AP2A2: variants seen among roughly 807,000 people sequenced by gnomAD.
The protein encoded by AP2A2 is adaptor related protein complex 2 subunit alpha 2, also known as AP-2 complex subunit alpha-2.
AP2A2 carries 32 observed loss-of-function variants against 104.2 expected under a neutral mutation model. The ratio of observed to expected loss-of-function variants is 0.31; its 90% CI spans 0.23 to 0.41. The LOEUF (loss-of-function observed/expected upper bound fraction) is 0.41, where lower values mean the gene tolerates loss of function less well. Ranked by LOEUF, AP2A2 falls within the 10% of genes least tolerant of loss-of-function variation. The pLI is 1.00. For missense variants in AP2A2, 912 were observed against 1,261.0 expected, an observed-to-expected ratio of 0.72 and a Z score of 4.19; for synonymous variants, 539 against 533.3, an observed-to-expected ratio of 1.01 and a Z score of -0.15.
At chr11:994,273 G>C in intron 14 of AP2A2, 28 bp downstream of exon 14, 3 of 1,609,558 alleles carry the variant, frequency 1.9e-6, no homozygotes, top group Non-Finnish European at 2.5e-6. Flanking sequence ...TGTGCACCCA[G>C]ACCTGTCAGG....
In AP2A2 at chr11:1,008,276, G is replaced by C. The variant is rs1336803805; in HGVS notation, c.2420+141G>C. On this transcript the variant is annotated intron_variant, in intron 18 of 21. Coordinates refer to ENST00000448903, the MANE Select transcript of AP2A2 (RefSeq NM_012305.4). ...CTCACGGTGCATGGATGCGGCCTGA[G>C]CTATTGCTGCCCCCGGCTCTGCAGA... 3 of 1,244,596 alleles carry C rather than the reference G, an allele frequency of 2.4e-6. No individual in the cohort carries two copies. The African/African-American group carries it at 4.7e-5, about 19-fold the overall frequency. 77.1% of individuals were successfully genotyped at this position (1,244,596 alleles called of 1,614,324 possible).
intron 14 of AP2A2, among the ~76,000 whole-genome samples, chr11:994,891 A>G (rs1308999882): frequency 5.6e-5 from 7 of 123,942 alleles, no homozygotes; most frequent in East Asian, 2.4e-4. Flanking sequence ...CCCGGGGGCC[A>G]CTGTCCCTGC....
At chr11:952,380 C>G (rs868439987) in intron 1 of AP2A2, among the ~76,000 whole-genome samples, 7 of 152,162 alleles carry the variant, frequency 4.6e-5, no homozygotes, top group African/African-American at 1.4e-4. Flanking sequence ...CATGCTGTTC[C>G]TGAAGAATGA....
rs1855705319 is a variant in AP2A2, at chr11:992,801, G to GC, written c.1452+120dup. 9.1e-7 allele frequency: 1 copy of GC among 1,096,238 alleles called. No homozygotes were observed. The highest frequency in any genetic ancestry group is 1.5e-5 in the African/African-American group (1 of 65,030). 67.9% of individuals were successfully genotyped at this position (1,096,238 alleles called of 1,614,324 possible). A position where few individuals can be genotyped will look rare whatever the true frequency, so the allele number is the denominator to read the frequency against. On this transcript the variant is annotated intron_variant, in intron 11 of 21. Transcript: ENST00000448903. The surrounding 1 kb of genome is among the most constrained non-coding windows in gnomAD (Gnocchi z 6.4). ...CCGAGGGCCGTTGCTGACCCCTCTT[G>GC]CCCCTCAGCTCTTCCCTGAGGCTCT...
chr11:996,881 C>T (rs1217000222), intron 14 of AP2A2, among the ~76,000 whole-genome samples: 2 of 152,018 alleles, frequency 1.3e-5, no homozygotes, highest in African/African-American at 4.8e-5. Flanking sequence ...TGACTGAGAG[C>T]TGTGGTGTGT....
rs761744137 is a variant in AP2A2 at position 1,000,433 on chromosome 11, C to G, written c.1958C>G (p.Ser653Cys). The G allele has an allele frequency of 1.9e-6, 3 of 1,544,220 alleles. No individual in the cohort carries two copies. Among genetic ancestry groups the G allele is most frequent in the African/African-American group, 2.7e-5 (2 of 73,082 alleles). The change falls in exon 15 of 22, where the codon TCT becomes TGT. Residue 653 changes from serine (S) to cysteine (C), a missense_variant and splice_region_variant. Ser to Cys is a moderately radical substitution (Grantham distance 112). Around this residue, in one of 7 missense-constraint regions of AP2A2, gnomAD observed 105 missense variants for 90.9 expected, o/e 1.16. Transcript: ENST00000448903. ...ATGCTCTCCTTCCTTCTCTTCCAGT[C>G]TACGCCTTCTCCGTCGGCAGACCTG... is the stretch of plus-strand genomic sequence containing the variant. ...EPAPASTSAV[S>C]TPSPSADLLG...
At chr11:952,222 T>G (rs1342900259) in intron 1 of AP2A2, among the ~76,000 whole-genome samples, 1 of 152,216 alleles carries the variant, frequency 6.6e-6, no homozygotes, top group African/African-American at 2.4e-5. Context: ...TGCTGCACAT[T>G]GCAAGGACAG....
At chr11:963,978 G>A (rs1003376794) in intron 2 of AP2A2, among the ~76,000 whole-genome samples, 16 of 152,328 alleles carry the variant, frequency 1.1e-4, no homozygotes, top group African/African-American at 2.6e-4. Context: ...TTAAACAACC[G>A]AAGTGCATAG....
At chr11:950,367 G>A (rs1240198808) in intron 1 of AP2A2, among the ~76,000 whole-genome samples, 1 of 148,402 alleles carries the variant, frequency 6.7e-6, no homozygotes, top group Non-Finnish European at 1.5e-5. Context: ...GGAGTGCAGT[G>A]GCGTGATCTT....
chr11:959,402 TTAAAA>T, intron 1 of AP2A2, 30 bp from the exon 2 acceptor site: 2 of 1,384,504 alleles, frequency 1.4e-6, no homozygotes, highest in Non-Finnish European at 2.0e-6. Context: ...TAGAAATCAA[TTAAAA>T]TAAAAATGGC....
At position 968,731 on chromosome 11, in the gene AP2A2, C is replaced by T. The variant is rs188400708; in HGVS notation, c.137-1438C>T. Among the ~76,000 whole-genome samples the T allele has an allele frequency of 4.7e-3, 689 of 146,090 alleles. 7 individuals are homozygous for T. The highest frequency in any genetic ancestry group is 0.015 in the African/African-American group (593 of 39,300). On this transcript the variant is annotated intron_variant, in intron 2 of 21. Coordinates refer to ENST00000448903, the MANE Select transcript of AP2A2 (RefSeq NM_012305.4). This position sits in a 1 kb window ranked among gnomAD's most constrained non-coding sequence, Gnocchi z 4.2. ...TGTGCCCTCCTGCACAAACAGGGCA[C>T]GGAGAACGTGTCTGCTGGGACCCCT...
At chr11:989,428 T>G (rs1855574397) in intron 10 of AP2A2, among the ~76,000 whole-genome samples, 1 of 152,136 alleles carries the variant, frequency 6.6e-6, no homozygotes, top group Non-Finnish European at 1.5e-5. Flanking sequence ...TGAGTGAGGC[T>G]CCAGCCGTCT....
chr11:977,482 G>T (rs758879036), intron 5 of AP2A2, among the ~76,000 whole-genome samples: 13 of 150,158 alleles, frequency 8.7e-5, no homozygotes, highest in Non-Finnish European at 1.6e-4. Flanking sequence ...GCTGAGACAC[G>T]TGTCTCCTGG....
intron 6 of AP2A2, among the ~76,000 whole-genome samples, chr11:984,107 C>T (rs918659763): frequency 3.3e-5 from 5 of 152,078 alleles, no homozygotes; most frequent in African/African-American, 7.3e-5. Context: ...AGTGGAAATG[C>T]GAGGTAGTCG....
intron 1 of AP2A2, among the ~76,000 whole-genome samples, chr11:958,422 AATTACAG>A (rs1327867263): frequency 6.6e-6 from 1 of 152,216 alleles, no homozygotes; most frequent in Non-Finnish European, 1.5e-5. Context: ...GACCATGAGG[AATTACAG>A]ATCCTGGGCA....
intron 1 of AP2A2, among the ~76,000 whole-genome samples, chr11:949,781 G>GAAA (rs59282675): frequency 3.5e-5 from 5 of 141,508 alleles, no homozygotes; most frequent in Admixed American, 7.0e-5. Flanking sequence ...TCTCAAAAAA[G>GAAA]AAAAAAAAAA....
In AP2A2 at chr11:993,199, T is replaced by C. The variant is rs1855720207; in HGVS notation, c.1453-85T>C. 3 of 1,049,678 alleles carry C rather than the reference T, an allele frequency of 2.9e-6. No homozygotes were observed. The highest frequency in any genetic ancestry group is 2.9e-4 in the Middle Eastern group (1 of 3,392). The allele number at this position is 1,049,678 out of a possible 1,614,324, so 65.0% of individuals were successfully genotyped here. A position where few individuals can be genotyped will look rare whatever the true frequency, so the allele number is the denominator to read the frequency against. On this transcript the variant is annotated intron_variant, in intron 11 of 21. Coordinates refer to ENST00000448903, the MANE Select transcript of AP2A2 (RefSeq NM_012305.4). This position sits in a 1 kb window ranked among gnomAD's most constrained non-coding sequence, Gnocchi z 8.2. ...GGAAGCTGAGGGGCTGGTGCTGGTG[T>C]AGGGTGCACCGCGCCAGGACGTGCC...
chr11:952,221 T>C (rs1016443642), intron 1 of AP2A2, among the ~76,000 whole-genome samples: 1 of 152,214 alleles, frequency 6.6e-6, no homozygotes, highest in Non-Finnish European at 1.5e-5. Context: ...TTGCTGCACA[T>C]TGCAAGGACA....
chr11:998,182 C>G (rs1855916081), intron 14 of AP2A2, among the ~76,000 whole-genome samples: 1 of 152,244 alleles, frequency 6.6e-6, no homozygotes, highest in Non-Finnish European at 1.5e-5. Context: ...GGACTCTTCT[C>G]TGCCAGCTCC....
Sources: allele counts gnomAD v4.1 joint callset (sites outside exome capture counted in the v4.1 genomes callset), GRCh38; gene constraint gnomAD v4.1.1; regional missense constraint gnomAD v4.1.1; non-coding constraint Gnocchi (gnomAD v3.1); transcripts MANE v1.5; gene names NCBI Gene and HGNC (gene_info 2026-07-23, HGNC 2026-07-21).